Variants in TJP2 observed in about 807,000 individuals in gnomAD.
TJP2 encodes Friedreich ataxia region gene X104 (tight junction protein ZO-2).
TJP2 carries 91 observed loss-of-function variants against 133.1 expected under a neutral mutation model. That is an observed-to-expected ratio of 0.68 (90% confidence interval 0.58 to 0.81). The LOEUF (loss-of-function observed/expected upper bound fraction) is 0.81, where lower values mean the gene tolerates loss of function less well. Ranked by LOEUF, TJP2 falls within the 40% of genes least tolerant of loss-of-function variation. TJP2 has a pLI of 0.00. For synonymous variants in TJP2, 592 were observed against 583.4 expected, an observed-to-expected ratio of 1.01 and a Z score of -0.21; for missense variants, 1,541 against 1,565.6, an observed-to-expected ratio of 0.98 and a Z score of 0.26.
chr9:69,219,239 G>A (rs1392901340), intron 4 of TJP2, among the ~76,000 whole-genome samples: 1 of 152,146 alleles, frequency 6.6e-6, no homozygotes, highest in Non-Finnish European at 1.5e-5. Flanking sequence ...AAAGTGCTGG[G>A]ATTACAGGCG....
At chr9:69,157,283 C>T (rs1823817851) in intron 2 of TJP2, among the ~76,000 whole-genome samples, 1 of 152,120 alleles carries the variant, frequency 6.6e-6, no homozygotes, top group Non-Finnish European at 1.5e-5. Flanking sequence ...CATGTTACTT[C>T]CATCGTCTTA....
upstream of TJP2, among the ~76,000 whole-genome samples, chr9:69,171,253 T>TA (rs2132912243): frequency 6.6e-6 from 1 of 152,326 alleles, no homozygotes; most frequent in Admixed American, 6.5e-5. Context: ...GCTGATCTAC[T>TA]TCCTTAGTTT....
At chr9:69,121,358 G>A (rs1822129417), upstream of TJP2, 7 of 985,384 alleles carry the variant, frequency 7.1e-6, no homozygotes, top group Non-Finnish European at 8.4e-6. Context: ...CCGGTCTCAA[G>A]GAAGCAGGTG....
At chr9:69,238,125 G>A in intron 15 of TJP2, 152 bp downstream of exon 15, 1 of 682,840 alleles carries the variant, frequency 1.5e-6, no homozygotes, top group Non-Finnish European at 2.7e-6. Flanking sequence ...CCCACTGCCT[G>A]CACCATAGAC....
At chr9:69,194,410 A>C (rs1399454185) in intron 1 of TJP2, among the ~76,000 whole-genome samples, 1 of 152,214 alleles carries the variant, frequency 6.6e-6, no homozygotes, top group East Asian at 1.9e-4. Flanking sequence ...AGCTATATGC[A>C]CACAGTGTCT....
intron 1 of TJP2, among the ~76,000 whole-genome samples, chr9:69,141,725 G>T (rs924511624): frequency 6.6e-6 from 1 of 152,080 alleles, no homozygotes; most frequent in East Asian, 1.9e-4. Context: ...CGAGTAGCTG[G>T]GATTACAGGT....
rs1198537407 is a variant in TJP2, at chr9:69,163,193, T to C, written c.-10+11422T>C. 2.8e-5 allele frequency among the ~76,000 whole-genome samples: 3 copies of C among 106,530 alleles called. 1 individual carries two copies. The highest frequency in any genetic ancestry group is 7.1e-5 in the African/African-American group (2 of 28,186). 69.9% of individuals were successfully genotyped at this position (106,530 alleles called of 152,430 possible). A position where few individuals can be genotyped will look rare whatever the true frequency, so the allele number is the denominator to read the frequency against. On this transcript the variant is annotated intron_variant, in intron 2 of 5. Transcript: ENST00000423935. ...GGCGCCCGCCACTACGCCCGGCTAA[T>C]TTTTTTTGTATTTTTAGTAGAGACG... is the stretch of plus-strand genomic sequence containing the variant.
chr9:69,233,794 A>G (rs1196252215), intron 11 of TJP2, among the ~76,000 whole-genome samples: 2 of 152,080 alleles, frequency 1.3e-5, no homozygotes, highest in African/African-American at 2.4e-5. Context: ...AAAACCACAT[A>G]GCACTATGAT....
At chr9:69,154,798 TA>T (rs1823659073) in intron 2 of TJP2, among the ~76,000 whole-genome samples, 2 of 151,520 alleles carry the variant, frequency 1.3e-5, no homozygotes, top group Non-Finnish European at 2.9e-5. Context: ...AATTAATAAA[TA>T]AAAATTAAAA....
At chr9:69,228,569 C>T (rs1829523406) in intron 9 of TJP2, among the ~76,000 whole-genome samples, 1 of 151,966 alleles carries the variant, frequency 6.6e-6, no homozygotes, top group Non-Finnish European at 1.5e-5. Flanking sequence ...TATATGTATG[C>T]ATGTGTGTAT....
chr9:69,191,234 C>CAATA (rs3067210), intron 1 of TJP2, among the ~76,000 whole-genome samples: 66,735 of 151,728 alleles, frequency 0.44, 14,985 homozygotes, highest in South Asian at 0.53. Context: ...AGGTGGTGAC[C>CAATA]AATAAAAGCA....
At chr9:69,209,475 C>G (rs1030690628) in intron 1 of TJP2, among the ~76,000 whole-genome samples, 1 of 151,662 alleles carries the variant, frequency 6.6e-6, no homozygotes, top group East Asian at 2.0e-4. Context: ...ACTTTTTGGC[C>G]GGGCGTAGTG....
intron 1 of TJP2, among the ~76,000 whole-genome samples, chr9:69,143,228 G>A (rs537618492): frequency 1.3e-4 from 20 of 152,246 alleles, no homozygotes; most frequent in African/African-American, 4.6e-4. Flanking sequence ...TAAATGCATC[G>A]AAAATTCCAA....
chr9:69,211,997 A>G (rs781160300), intron 1 of TJP2, among the ~76,000 whole-genome samples: 7 of 152,198 alleles, frequency 4.6e-5, no homozygotes, highest in Non-Finnish European at 7.3e-5. Context: ...CTACTTTGGA[A>G]TATTGTCAGA....
At chr9:69,220,633 G>A (rs1336797021) in intron 4 of TJP2, among the ~76,000 whole-genome samples, 1 of 152,196 alleles carries the variant, frequency 6.6e-6, no homozygotes, top group Non-Finnish European at 1.5e-5. Context: ...TTTCAAACTT[G>A]AGTAGAAGCA....
intron 1 of TJP2, among the ~76,000 whole-genome samples, chr9:69,191,345 G>A (rs1826190751): frequency 6.6e-6 from 1 of 152,176 alleles, no homozygotes; most frequent in South Asian, 2.1e-4. Context: ...TATTTCTCTG[G>A]ATTGCAGGAT....
intron 1 of TJP2, among the ~76,000 whole-genome samples, chr9:69,182,339 G>A (rs117992351): frequency 2.6e-4 from 39 of 152,304 alleles, no homozygotes; most frequent in East Asian, 1.5e-3. Context: ...GGAAACATTT[G>A]TGCGTTTCCT....
At chr9:69,192,566 GT>G (rs1363688368) in intron 1 of TJP2, among the ~76,000 whole-genome samples, 1 of 152,202 alleles carries the variant, frequency 6.6e-6, no homozygotes, top group African/African-American at 2.4e-5. Context: ...TCGCTAGACA[GT>G]TTTTGGTGGT....
chr9:69,253,018 T>C (rs985420904), intron 22 of TJP2, 118 bp downstream of exon 22: 58 of 873,126 alleles, frequency 6.6e-5, no homozygotes, highest in Admixed American at 2.6e-4. Context: ...TCCCCACAGA[T>C]TGACTGTTTG....
Sources: gnomAD v4.1 joint callset for allele counts (sites outside exome capture counted in the v4.1 genomes callset) on GRCh38, gnomAD v4.1.1 for gene constraint, MANE v1.5 for transcripts, NCBI Gene and HGNC (gene_info 2026-07-23, HGNC 2026-07-21) for gene names.